The following MORN1 variants were observed in gnomAD, a reference collection of about 807,000 sequenced individuals.
The protein encoded by MORN1 is MORN repeat-containing protein 1.
Under a neutral mutation model 61.9 loss-of-function variants are expected in MORN1, and 67 were observed. That is an observed-to-expected ratio of 1.08 (90% confidence interval 0.89 to 1.33). The LOEUF (loss-of-function observed/expected upper bound fraction) is 1.33, where lower values mean the gene tolerates loss of function less well. Ranked by LOEUF, MORN1 falls within the 40% of genes most tolerant of loss-of-function variation. The pLI is 0.00. For missense variants in MORN1, 752 were observed against 691.2 expected (o/e 1.09, Z -0.99); for synonymous variants, 301 against 292.0 (o/e 1.03, Z -0.31).
intron 8 of MORN1, chr1:2,363,480 G>A (rs762509183): frequency 2.6e-5 from 4 of 152,184 alleles, no homozygotes; most frequent in Non-Finnish European, 5.9e-5. Flanking sequence ...CAGAGGGCCA[G>A]GCGTGGTGGC....
intron 10 of MORN1, among the ~76,000 whole-genome samples, chr1:2,340,006 C>T (rs776735245): frequency 5.9e-5 from 9 of 152,242 alleles, no homozygotes; most frequent in African/African-American, 9.6e-5. Flanking sequence ...TTGCTGAAGA[C>T]GCAGGTTTTC....
At position 2,340,984 on chromosome 1, in the gene MORN1, G is replaced by A. The variant is rs377556775; in HGVS notation, c.1037-4134C>T. ...GATACCAGCCACGAGACCACGACGCGGGCTGTCCTACGGTCCTCTCCTCCT... is the reference window on the plus strand; with the variant it reads ...GATACCAGCCACGAGACCACGACGCAGGCTGTCCTACGGTCCTCTCCTCCT... On this transcript the variant is annotated intron_variant, in intron 10 of 13. Transcript: ENST00000378531. Among the ~76,000 whole-genome samples the A allele has an allele frequency of 1.9e-4, 29 of 152,340 alleles. No homozygotes were observed. The East Asian group carries it at 2.9e-3, about 15-fold the overall frequency.
rs1257977481 is a variant in MORN1, at chr1:2,372,984, G to A, written c.635-393C>T. Among the ~76,000 whole-genome samples the A allele has an allele frequency of 3.9e-5, 6 of 152,270 alleles. No individual in the cohort carries two copies. The highest frequency in any genetic ancestry group is 1.9e-4 in the East Asian group (1 of 5,198). On this transcript the variant is annotated intron_variant, in intron 7 of 13. Transcript: ENST00000378531. This position sits in a 1 kb window ranked among gnomAD's most constrained non-coding sequence, Gnocchi z 5.4. ...TGCATCTGAGTCAGCACCCTGAGGT[G>A]CTGGACCTGGGACTAGGGCAAGGCC...
chr1:2,366,985 T>C (rs4648835), intron 8 of MORN1, among the ~76,000 whole-genome samples: 35 of 68,826 alleles, frequency 5.1e-4, no homozygotes, highest in African/African-American at 1.8e-3. Context: ...CATAGAAAAA[T>C]ACATAGAAAA....
chr1:2,329,878 G>A (rs1320991763), intron 12 of MORN1, among the ~76,000 whole-genome samples: 1 of 152,262 alleles, frequency 6.6e-6, no homozygotes, highest in African/African-American at 2.4e-5. Context: ...GAGCAGGCCA[G>A]GCTCAGGCCA....
chr1:2,324,247 G>A, intron 12 of MORN1, 104 bp from the exon 13 acceptor site: 1 of 1,259,852 alleles, frequency 7.9e-7, no homozygotes, highest in Non-Finnish European at 1.1e-6. Flanking sequence ...CAGATTCAGG[G>A]CCCCAGCACA....
chr1:2,388,300 G>A lies in MORN1; in HGVS notation c.186C>T (p.Tyr62=), dbSNP rs746633411. The A allele has an allele frequency of 1.4e-5, 23 of 1,613,810 alleles. No homozygotes were observed. Among genetic ancestry groups the A allele is most frequent in the Admixed American group, 3.3e-5 (2 of 59,994 alleles). The stretch of plus-strand genomic sequence containing the variant: ...TCTCTCCGTCCACAAACGCCCCTTC[G>A]TAATAACTGCCATCTTTAAATAACA... ...GKLLFKDGSY[Y]EGAFVDGEIT... is the part of the protein sequence containing the mutation. The change falls in exon 3 of 14, where the codon TAC becomes TAT. Residue 62 remains tyrosine (Y), a synonymous_variant. Transcript: ENST00000378531.
At chr1:2,341,843 G>A (rs1641402255) in intron 10 of MORN1, among the ~76,000 whole-genome samples, 1 of 152,262 alleles carries the variant, frequency 6.6e-6, no homozygotes, top group Admixed American at 6.5e-5. Flanking sequence ...CCCCGTCTGA[G>A]TGGTGCCCGC....
At chr1:2,332,283 A>G in intron 12 of MORN1, 1 of 259,952 alleles carries the variant, frequency 3.8e-6, no homozygotes, top group East Asian at 1.2e-4. Context: ...AAGGGGACAC[A>G]GATGTGGCTG....
rs921508298 is a variant in MORN1 at position 2,321,488 on chromosome 1, C to T, written c.1389G>A (p.Ala463=). ...CATGGGGTGGCTGGCCAGCCCTCTT[C>T]GCTACGACCCGCAGGTGTTTGAAGG... ...PPAFKHLRVV[A]KRAGQPPHVL... Residue 463 remains alanine (A), a synonymous_variant, in exon 14 of 14, where the codon GCG becomes GCA. Coordinates refer to ENST00000378531, the MANE Select transcript of MORN1 (RefSeq NM_024848.3). 89 of 1,527,124 alleles carry T rather than the reference C, an allele frequency of 5.8e-5. No homozygotes were observed. The highest frequency in any genetic ancestry group is 7.0e-5 in the Non-Finnish European group (80 of 1,137,086). The allele number at this position is 1,527,124 out of a possible 1,614,324, so 94.6% of individuals were successfully genotyped here.
chr1:2,321,985 A>G, intron 13 of MORN1: 53 of 875,602 alleles, frequency 6.1e-5, no homozygotes, highest in Non-Finnish European at 7.3e-5. Context: ...GGAGAAAAAT[A>G]ATTCATTCCC....
intron 12 of MORN1, among the ~76,000 whole-genome samples, chr1:2,325,877 G>A (rs1261827811): frequency 2.0e-5 from 3 of 152,206 alleles, no homozygotes; most frequent in East Asian, 1.9e-4. Context: ...TTCCCACCTC[G>A]GCTTCCTAAA....
rs978368136 is a variant in MORN1, at chr1:2,362,100, C to T, written c.746-3385G>A. 5.3e-5 allele frequency among the ~76,000 whole-genome samples: 8 copies of T among 152,084 alleles called. 1 individual carries two copies. Among genetic ancestry groups the T allele is most frequent in the Admixed American group, 6.5e-5 (1 of 15,274 alleles). On this transcript the variant is annotated intron_variant, in intron 8 of 13. Transcript: ENST00000378531. The stretch of plus-strand genomic sequence containing the variant: ...TACAAATATCAGCCGGGCGTGGTGG[C>T]GGGTGCCTGTAGTCCCAGCTACTCG...
Position 2,385,085 on chromosome 1 carries a change from A to G in MORN1, c.450-20T>C. 1 of 1,572,880 alleles carries G rather than the reference A, an allele frequency of 6.4e-7. No homozygotes were observed. Among genetic ancestry groups the G allele is most frequent in the Non-Finnish European group, 8.6e-7 (1 of 1,159,516 alleles). On this transcript the variant is annotated intron_variant, in intron 5 of 13. Coordinates refer to ENST00000378531, the MANE Select transcript of MORN1 (RefSeq NM_024848.3). ...CCGTTCCTGGGGGACACACGCACGG[A>G]GTCCACTCTCAACAGGGGGAGCCGG... is the stretch of plus-strand genomic sequence containing the variant.
chr1:2,363,354 A>C (rs2100318451), intron 8 of MORN1: 1 of 152,342 alleles, frequency 6.6e-6, no homozygotes, highest in East Asian at 1.9e-4. Context: ...TGACACAGCA[A>C]GACCAACCCT....
Position 2,357,364 on chromosome 1 carries a change from C to G in MORN1, c.1036+68G>C. 6.6e-7 allele frequency: 1 copy of G among 1,509,276 alleles called. No homozygotes were observed. The highest frequency in any genetic ancestry group is 8.9e-7 in the Non-Finnish European group (1 of 1,119,264). The allele number at this position is 1,509,276 out of a possible 1,614,324, so 93.5% of individuals were successfully genotyped here. A position where few individuals can be genotyped will look rare whatever the true frequency, so the allele number is the denominator to read the frequency against. Reference sequence around the variant, plus strand: ...CTGGCCTGGTTCTGGGTCCCCATGACCCCACCCCCACCTTGACTGCTGGGC... The same window carrying G: ...CTGGCCTGGTTCTGGGTCCCCATGAGCCCACCCCCACCTTGACTGCTGGGC... On this transcript the variant is annotated intron_variant, in intron 10 of 13. Coordinates refer to ENST00000378531, the MANE Select transcript of MORN1 (RefSeq NM_024848.3). The surrounding 1 kb of genome is among the most constrained non-coding windows in gnomAD (Gnocchi z 6.3).
chr1:2,339,714 T>G (rs1641353664), intron 10 of MORN1, among the ~76,000 whole-genome samples: 1 of 151,782 alleles, frequency 6.6e-6, no homozygotes. Context: ...CCCCTCGCCC[T>G]TCAGTCCATT....
chr1:2,389,174 AGAG>A (rs924958725), intron 2 of MORN1, among the ~76,000 whole-genome samples: 2 of 151,890 alleles, frequency 1.3e-5, no homozygotes, highest in African/African-American at 2.4e-5. Flanking sequence ...AAACTGCGTG[AGAG>A]GAGTACAGTG....
chr1:2,328,056 AG>A (rs1641074580), intron 12 of MORN1, among the ~76,000 whole-genome samples: 1 of 152,228 alleles, frequency 6.6e-6, no homozygotes, highest in African/African-American at 2.4e-5. Flanking sequence ...GGCCGAGTGC[AG>A]GCCGAGCAAG....
Sources: allele counts gnomAD v4.1 joint callset (sites outside exome capture counted in the v4.1 genomes callset), GRCh38; gene constraint gnomAD v4.1.1; non-coding constraint Gnocchi (gnomAD v3.1); transcripts MANE v1.5; gene names NCBI Gene and HGNC (gene_info 2026-07-23, HGNC 2026-07-21).